The following RPRD1A variants were observed in gnomAD, a reference collection of about 807,000 sequenced individuals.
RPRD1A encodes the protein regulation of nuclear pre-mRNA domain-containing protein 1A.
In RPRD1A, 9 loss-of-function variants were observed where a neutral mutation model predicts 37.8. The ratio of observed to expected loss-of-function variants is 0.24; its 90% CI spans 0.14 to 0.42. RPRD1A has a LOEUF of 0.42. Among genes scored for constraint, RPRD1A ranks in the 10% least tolerant of loss-of-function variants. The probability of loss-of-function intolerance (pLI) is 1.00; values close to 1 mark genes in which losing one functional copy is unlikely to be tolerated. For missense variants in RPRD1A, 255 were observed against 371.0 expected (o/e 0.69, Z 2.57); for synonymous variants, 138 against 139.7 (o/e 0.99, Z 0.08).
chr18:36,025,404 G>A (rs1253331264), intron 6 of RPRD1A: 7 of 323,286 alleles, frequency 2.2e-5, no homozygotes, highest in Admixed American at 9.1e-5. Context: ...ACTATGAAAT[G>A]TGGCTGGAAG....
At chr18:35,994,421 A>G (rs1908900278) in intron 6 of RPRD1A, among the ~76,000 whole-genome samples, 1 of 152,218 alleles carries the variant, frequency 6.6e-6, no homozygotes, top group South Asian at 2.1e-4. Flanking sequence ...TCCTTTAAAA[A>G]CTACATTATA....
At chr18:36,017,237 G>A (rs1017899019) in intron 6 of RPRD1A, among the ~76,000 whole-genome samples, 25 of 152,062 alleles carry the variant, frequency 1.6e-4, no homozygotes, top group African/African-American at 5.8e-4. Context: ...GGAGGTCGAG[G>A]GTGCAGTCAG....
At chr18:36,032,685 G>A (rs1911882278) in intron 2 of RPRD1A, among the ~76,000 whole-genome samples, 1 of 152,226 alleles carries the variant, frequency 6.6e-6, no homozygotes, top group South Asian at 2.1e-4. Flanking sequence ...TACTATGTGA[G>A]ATATGGGGAC....
At chr18:36,012,349 T>G (rs1483014540) in intron 6 of RPRD1A, among the ~76,000 whole-genome samples, 3 of 152,230 alleles carry the variant, frequency 2.0e-5, no homozygotes, top group South Asian at 2.1e-4. Flanking sequence ...TACCGGTTTA[T>G]GTATTTACTA....
rs2144125784 is a variant in RPRD1A, at chr18:35,992,333, A to C, written c.*818T>G. The stretch of plus-strand genomic sequence containing the variant: ...CCATAGACGGCTTTTTGTTAAAGGG[A>C]TTAATTATGTTAAAAGGAAACTGAT... On this transcript the variant is annotated 3_prime_UTR_variant, in exon 7 of 7. Coordinates refer to ENST00000399022, the MANE Select transcript of RPRD1A (RefSeq NM_018170.5). 1 of 152,414 alleles carries C rather than the reference A, an allele frequency of 6.6e-6. No individual in the cohort carries two copies. The highest frequency in any genetic ancestry group is 1.9e-4 in the East Asian group (1 of 5,194). The allele number at this position is 152,414 out of a possible 1,614,324, so 9.4% of individuals were successfully genotyped here.
intron 6 of RPRD1A, among the ~76,000 whole-genome samples, chr18:36,006,351 A>G (rs1434859461): frequency 1.3e-5 from 2 of 151,996 alleles, no homozygotes; most frequent in African/African-American, 4.8e-5. Flanking sequence ...GCTAATTTTC[A>G]AAAAATATTA....
intron 1 of RPRD1A, among the ~76,000 whole-genome samples, chr18:36,048,865 T>C (rs1317505400): frequency 6.6e-6 from 1 of 152,192 alleles, no homozygotes; most frequent in Non-Finnish European, 1.5e-5. Flanking sequence ...GACATGATTA[T>C]CTGCATAGCA....
intron 6 of RPRD1A, among the ~76,000 whole-genome samples, chr18:36,007,965 TTGCCAGGAGCCATGACTCA>T (rs1192948072): frequency 6.6e-6 from 1 of 151,396 alleles, no homozygotes; most frequent in Non-Finnish European, 1.5e-5. Flanking sequence ...AAAACTAAAT[TTGCCAGGAGCCATGACTCA>T]TGCTTATAGT....
chr18:36,022,534 A>C (rs79109998), intron 6 of RPRD1A, among the ~76,000 whole-genome samples: 1 of 152,226 alleles, frequency 6.6e-6, no homozygotes, highest in Non-Finnish European at 1.5e-5. Flanking sequence ...ACCATTCTGA[A>C]TAATTCTAGA....
At chr18:36,034,645 G>A (rs1340161662) in intron 1 of RPRD1A, among the ~76,000 whole-genome samples, 1 of 152,098 alleles carries the variant, frequency 6.6e-6, no homozygotes, top group Non-Finnish European at 1.5e-5. Flanking sequence ...ACTCAATGTA[G>A]TACAGTTATA....
In RPRD1A at chr18:36,039,995, T is replaced by G. The variant is rs905135922; in HGVS notation, c.152-6158A>C. Among the ~76,000 whole-genome samples the G allele has an allele frequency of 3.3e-5, 5 of 152,174 alleles. No individual in the cohort carries two copies. In the South Asian group the frequency reaches 1.0e-3, roughly 32 times the overall value. Reference sequence around the variant, plus strand: ...AAGAAAATCAGGAGAAAAGTCATTTTGAAACAAAAATCTATTAAAGATTTA... The same window carrying G: ...AAGAAAATCAGGAGAAAAGTCATTTGGAAACAAAAATCTATTAAAGATTTA... On this transcript the variant is annotated intron_variant, in intron 1 of 6. Coordinates refer to ENST00000399022, the MANE Select transcript of RPRD1A (RefSeq NM_018170.5).
chr18:36,054,535 A>G (rs1913627276), intron 1 of RPRD1A, among the ~76,000 whole-genome samples: 1 of 152,200 alleles, frequency 6.6e-6, no homozygotes, highest in African/African-American at 2.4e-5. Context: ...GTAAATCTAG[A>G]TGAAGTGCTC....
chr18:36,027,037 C>T lies in RPRD1A; in HGVS notation c.652G>A (p.Asp218Asn), dbSNP rs1434540090. ...TAATCTGCCAGCAACATACACGCAT[C>T]CTCTACCATTTTGGAAAGCCTTTCT... ...SGERLSKMVE[D>N]ACMLLADYNG... is the part of the protein sequence containing the mutation. The change falls in exon 6 of 7, where the codon GAT becomes AAT. Residue 218 changes from aspartate to asparagine, a missense_variant. By Grantham distance (23) the Asp-to-Asn change is conservative. Coordinates refer to ENST00000399022, the MANE Select transcript of RPRD1A (RefSeq NM_018170.5). The T allele has an allele frequency of 6.2e-7, 1 of 1,613,966 alleles. No individual in the cohort carries two copies. Among genetic ancestry groups the T allele is most frequent in the South Asian group, 1.1e-5 (1 of 91,072 alleles).
At chr18:35,996,806 T>C (rs1389145105) in intron 6 of RPRD1A, among the ~76,000 whole-genome samples, 1 of 151,738 alleles carries the variant, frequency 6.6e-6, no homozygotes, top group Non-Finnish European at 1.5e-5. Context: ...GTGAAACTTT[T>C]TGTCTCTACA....
At chr18:36,058,542 C>T (rs55813373) in intron 1 of RPRD1A, among the ~76,000 whole-genome samples, 47 of 152,118 alleles carry the variant, frequency 3.1e-4, no homozygotes, top group African/African-American at 1.1e-3. Context: ...AAAACCTTAA[C>T]GTCACAGGAA....
At chr18:36,056,218 G>T (rs914302628) in intron 1 of RPRD1A, among the ~76,000 whole-genome samples, 4 of 152,016 alleles carry the variant, frequency 2.6e-5, no homozygotes, top group African/African-American at 9.7e-5. Context: ...CTGATTCTGG[G>T]TAGAGAAATG....
chr18:36,031,301 T>C (rs1410681261), intron 2 of RPRD1A, among the ~76,000 whole-genome samples: 1 of 152,154 alleles, frequency 6.6e-6, no homozygotes. Context: ...GTAAACATTT[T>C]ATAAACATAT....
At chr18:36,018,272 ACTT>A (rs1910742690) in intron 6 of RPRD1A, among the ~76,000 whole-genome samples, 3 of 80,110 alleles carry the variant, frequency 3.7e-5, no homozygotes, top group African/African-American at 9.0e-5. Context: ...TCCAAGTTAC[ACTT>A]TTTTTTTTTT....
rs987001480 is a variant in RPRD1A, at chr18:36,014,660, G to A, written c.789+12240C>T. Among the ~76,000 whole-genome samples the A allele has an allele frequency of 2.0e-5, 3 of 152,222 alleles. No individual in the cohort carries two copies. The South Asian group carries it at 6.2e-4, about 32-fold the overall frequency. On this transcript the variant is annotated intron_variant, in intron 6 of 6. Coordinates refer to ENST00000399022, the MANE Select transcript of RPRD1A (RefSeq NM_018170.5). ...CGGGAGGCTGAGGCAGGAGAATGGC[G>A]TGAACCTGGGAGGCAGAGCTTGCAG... is the stretch of plus-strand genomic sequence containing the variant.
Sources: allele counts gnomAD v4.1 joint callset (sites outside exome capture counted in the v4.1 genomes callset), GRCh38; gene constraint gnomAD v4.1.1; transcripts MANE v1.5; gene names NCBI Gene and HGNC (gene_info 2026-07-23, HGNC 2026-07-21).